ARID2: variants seen among roughly 807,000 people sequenced by gnomAD.
ARID2 encodes the protein AT-rich interactive domain-containing protein 2.
ARID2 carries 32 observed loss-of-function variants against 184.6 expected under a neutral mutation model. That is an observed-to-expected ratio of 0.17 (90% confidence interval 0.13 to 0.23). ARID2 has a LOEUF of 0.23. ARID2 is among the 10% of genes least tolerant of loss of function. The pLI is 1.00. For missense variants in ARID2, 1,696 were observed against 2,197.6 expected (o/e 0.77, Z 4.56); for synonymous variants, 836 against 772.6 (o/e 1.08, Z -1.36).
chr12:45,795,541 TC>T (rs1367501585), intron 3 of ARID2, among the ~76,000 whole-genome samples: 1 of 152,142 alleles, frequency 6.6e-6, no homozygotes, highest in Non-Finnish European at 1.5e-5. Context: ...CACGCCATTC[TC>T]CTGCCTCAGC....
At chr12:45,743,768 A>T (rs1941306188) in intron 3 of ARID2, among the ~76,000 whole-genome samples, 1 of 152,182 alleles carries the variant, frequency 6.6e-6, no homozygotes. Flanking sequence ...AAGTCTTTCC[A>T]CTTGTTCACA....
intron 16 of ARID2, among the ~76,000 whole-genome samples, chr12:45,861,507 T>G (rs1196885186): frequency 6.6e-6 from 1 of 152,068 alleles, no homozygotes; most frequent in Non-Finnish European, 1.5e-5. Context: ...AAATCTTAAT[T>G]CCTTTGACAG....
At chr12:45,823,912 G>C (rs1942944120) in intron 6 of ARID2, among the ~76,000 whole-genome samples, 1 of 152,038 alleles carries the variant, frequency 6.6e-6, no homozygotes, top group African/African-American at 2.4e-5. Flanking sequence ...GAAGGGGAGA[G>C]AACTCTCCTT....
chr12:45,825,971 C>T (rs1296171060), intron 6 of ARID2, among the ~76,000 whole-genome samples: 1 of 151,964 alleles, frequency 6.6e-6, no homozygotes, highest in Non-Finnish European at 1.5e-5. Flanking sequence ...TCCTTACAGG[C>T]TTGGTTTCTA....
chr12:45,849,099 G>T lies in ARID2; in HGVS notation c.1715+129G>T, dbSNP rs188732963. The T allele has an allele frequency of 8.0e-4, 817 of 1,025,112 alleles. 1 individual carries two copies. The African/African-American group carries it at 0.012, about 15-fold the overall frequency. 63.5% of individuals were successfully genotyped at this position (1,025,112 alleles called of 1,614,324 possible). ...ACTACTAGAAGTTTCGTATGGATAGGTTATAGTGTGGTGGAGGTTTAAATA... is the reference window on the plus strand; with the variant it reads ...ACTACTAGAAGTTTCGTATGGATAGTTTATAGTGTGGTGGAGGTTTAAATA... On this transcript the variant is annotated intron_variant, in intron 13 of 20. Coordinates refer to ENST00000334344, the MANE Select transcript of ARID2 (RefSeq NM_152641.4).
chr12:45,730,397 GC>G (rs1399497059), intron 2 of ARID2, among the ~76,000 whole-genome samples: 2 of 146,102 alleles, frequency 1.4e-5, no homozygotes, highest in Non-Finnish European at 3.0e-5. Flanking sequence ...GCCCGGTCGG[GC>G]CGGCGGGGTC....
rs547684429 is a variant in ARID2, at chr12:45,860,840, G to A, written c.4813G>A (p.Gly1605Ser). Residue 1605 changes from glycine to serine, a missense_variant, in exon 16 of 21, where the codon GGC becomes AGC. By Grantham distance (56) the Gly-to-Ser change is moderately conservative. Around this residue, in one of 11 missense-constraint regions of ARID2, gnomAD observed 111 missense variants for 154.0 expected, o/e 0.72. Coordinates refer to ENST00000334344, the MANE Select transcript of ARID2 (RefSeq NM_152641.4). ...MPPSPAVQVQ[G>S]QPNSSQPSPF... ...ACCTTCACCAGCTGTACAAGTGCAG[G>A]GCCAGCCTAACAGTTCTCAGCCTTC... 3 of 1,606,536 alleles carry A rather than the reference G, an allele frequency of 1.9e-6. No individual in the cohort carries two copies. Among genetic ancestry groups the A allele is most frequent in the African/African-American group, 1.3e-5 (1 of 74,720 alleles).
rs556888954 is a variant in ARID2, at chr12:45,762,861, C to G, written c.284+31547C>G. ...TGAAGAGATAAGAGAACAAGTTTAT[C>G]TTTAACAATTTCTGTCTCTTTCCTC... On this transcript the variant is annotated intron_variant, in intron 3 of 20. Transcript: ENST00000334344. Among the ~76,000 whole-genome samples, 177 of 152,294 alleles carry G rather than the reference C, an allele frequency of 1.2e-3. 1 individual carries two copies. Among genetic ancestry groups the G allele is most frequent in the Middle Eastern group, 6.8e-3 (2 of 294 alleles).
At position 45,881,911 on chromosome 12, in the gene ARID2, C is replaced by T. The variant is rs200522592; in HGVS notation, c.4923-9869C>T. 35 of 204,438 alleles carry T rather than the reference C, an allele frequency of 1.7e-4. No homozygotes were observed. In the East Asian group the frequency reaches 1.9e-3, roughly 11 times the overall value. 12.7% of individuals were successfully genotyped at this position (204,438 alleles called of 1,614,324 possible). On this transcript the variant is annotated intron_variant, in intron 16 of 20. Coordinates refer to ENST00000334344, the MANE Select transcript of ARID2 (RefSeq NM_152641.4). ...TCTGGGGAGGTTTTCACCCCAGAGC[C>T]GTGGAACATGCCAGAGGTCACTTCT...
At chr12:45,837,455 C>G (rs914646393) in intron 9 of ARID2, 38 bp downstream of exon 9, 1 of 1,608,792 alleles carries the variant, frequency 6.2e-7, no homozygotes, top group Non-Finnish European at 8.5e-7. Context: ...CTAAAGTAAA[C>G]AAACTATCAT....
At chr12:45,864,265 C>A (rs1466149581) in intron 16 of ARID2, among the ~76,000 whole-genome samples, 1 of 151,962 alleles carries the variant, frequency 6.6e-6, no homozygotes, top group East Asian at 1.9e-4. Context: ...AAGTTAGGGA[C>A]CTCACTCTTT....
intron 16 of ARID2, among the ~76,000 whole-genome samples, chr12:45,877,467 A>C (rs1034004139): frequency 3.3e-5 from 5 of 152,008 alleles, no homozygotes; most frequent in Admixed American, 6.6e-5. Context: ...GCAGGAAAAG[A>C]AGCACAGGGC....
At chr12:45,731,400 G>C in intron 3 of ARID2, 86 bp downstream of exon 3, 6 of 893,248 alleles carry the variant, frequency 6.7e-6, no homozygotes, top group Non-Finnish European at 1.1e-5. Flanking sequence ...AGCAAACCTT[G>C]CACACCAAAC....
At position 45,848,861 on chromosome 12, in the gene ARID2, C is replaced by G. The variant is rs1943489087; in HGVS notation, c.1606C>G (p.Pro536Ala). The G allele has an allele frequency of 1.9e-6, 3 of 1,611,452 alleles. No individual in the cohort carries two copies. Among genetic ancestry groups the G allele is most frequent in the African/African-American group, 1.3e-5 (1 of 74,804 alleles). ...GCTAAATGCTCATTTTGAAGTAAAT[C>G]CAGATTGTTCTGTTTCTCGAGCAGA... is the stretch of plus-strand genomic sequence containing the variant. ...QWLNAHFEVNPDCSVSRAEMY... is the reference protein window; with the variant it reads ...QWLNAHFEVNADCSVSRAEMY... The change falls in exon 13 of 21, where the codon CCA becomes GCA. Residue 536 changes from proline to alanine, a missense_variant. Physicochemically the swap from Pro to Ala is conservative, Grantham distance 27. Coordinates refer to ENST00000334344, the MANE Select transcript of ARID2 (RefSeq NM_152641.4).
intron 3 of ARID2, among the ~76,000 whole-genome samples, chr12:45,778,577 G>T (rs1276601863): frequency 6.6e-6 from 1 of 152,112 alleles, no homozygotes; most frequent in African/African-American, 2.4e-5. Flanking sequence ...TATTTGCTCG[G>T]AAGTTATATA....
chr12:45,885,142 A>G (rs528596849), intron 16 of ARID2, among the ~76,000 whole-genome samples: 7 of 151,456 alleles, frequency 4.6e-5, no homozygotes, highest in African/African-American at 9.7e-5. Flanking sequence ...GGTTGTTGGT[A>G]TATTTTTTCC....
chr12:45,744,383 A>G (rs1197794013), intron 3 of ARID2, among the ~76,000 whole-genome samples: 2 of 152,112 alleles, frequency 1.3e-5, no homozygotes, highest in Non-Finnish European at 2.9e-5. Context: ...ACAGTTTAGT[A>G]TCTTTTTTTT....
chr12:45,783,125 C>T (rs1025182949), intron 3 of ARID2, among the ~76,000 whole-genome samples: 2 of 150,802 alleles, frequency 1.3e-5, no homozygotes, highest in Non-Finnish European at 2.9e-5. Flanking sequence ...CAGAGTAAGA[C>T]TCTGTCTCCA....
chr12:45,808,428 A>G (rs1329294951), intron 3 of ARID2, among the ~76,000 whole-genome samples: 1 of 152,194 alleles, frequency 6.6e-6, no homozygotes, highest in Non-Finnish European at 1.5e-5. Context: ...TCAAAATCAT[A>G]ACAGCCTAAA....
Sources: allele counts gnomAD v4.1 joint callset (sites outside exome capture counted in the v4.1 genomes callset), GRCh38; gene constraint gnomAD v4.1.1; regional missense constraint gnomAD v4.1.1; transcripts MANE v1.5; gene names NCBI Gene and HGNC (gene_info 2026-07-23, HGNC 2026-07-21).